The following HMGA2 variants were observed in gnomAD, a reference collection of about 807,000 sequenced individuals.
HMGA2 encodes high mobility group AT-hook 2.
A neutral mutation model predicts 19.1 loss-of-function variants in HMGA2; 8 were observed. The observed-to-expected ratio is 0.42, with a 90% confidence interval of 0.25 to 0.76. The LOEUF is 0.76. Ranked by LOEUF, HMGA2 falls within the 30% of genes least tolerant of loss-of-function variation. The pLI is 0.28. For synonymous variants in HMGA2, 60 were observed against 48.8 expected (o/e 1.23, Z -0.96); for missense variants, 109 against 136.3 (o/e 0.80, Z 1.00).
intron 3 of HMGA2, among the ~76,000 whole-genome samples, chr12:65,887,967 T>C (rs1404462395): frequency 1.3e-5 from 2 of 152,100 alleles, no homozygotes; most frequent in Admixed American, 1.3e-4. Flanking sequence ...TAATGTGTCT[T>C]TTAGATGATT....
chr12:65,838,158 T>C (rs1480208344), intron 2 of HMGA2, among the ~76,000 whole-genome samples: 1 of 152,178 alleles, frequency 6.6e-6, no homozygotes, highest in Non-Finnish European at 1.5e-5. Flanking sequence ...TTTTCTAAAA[T>C]ACTAACTTAT....
At chr12:65,886,420 C>T (rs970384541) in intron 3 of HMGA2, among the ~76,000 whole-genome samples, 5 of 149,174 alleles carry the variant, frequency 3.4e-5, no homozygotes, top group African/African-American at 1.2e-4. Flanking sequence ...AGTGCAGTGG[C>T]GCAATCTCTG....
intron 3 of HMGA2, among the ~76,000 whole-genome samples, chr12:65,877,999 T>G (rs1873141389): frequency 6.6e-6 from 1 of 152,176 alleles, no homozygotes; most frequent in Admixed American, 6.5e-5. Flanking sequence ...TACTGTTGAT[T>G]GAAAGGAGAA....
chr12:65,963,375 A>T lies in HMGA2; in HGVS notation c.*83A>T. On this transcript the variant is annotated 3_prime_UTR_variant, in exon 5 of 5. Coordinates refer to ENST00000403681, the MANE Select transcript of HMGA2 (RefSeq NM_003483.6). Reference sequence around the variant, plus strand: ...ACACTGCAGTGACCACTTATTCTGTATTGCCATGGTCTTTCCACTTTCATC... The same window carrying T: ...ACACTGCAGTGACCACTTATTCTGTTTTGCCATGGTCTTTCCACTTTCATC... The T allele has an allele frequency of 1.4e-6, 1 of 707,986 alleles. No homozygotes were observed. The highest frequency in any genetic ancestry group is 2.1e-6 in the Non-Finnish European group (1 of 466,078). The allele number at this position is 707,986 out of a possible 1,614,324, so 43.9% of individuals were successfully genotyped here.
intron 3 of HMGA2, among the ~76,000 whole-genome samples, chr12:65,876,600 T>G (rs571110496): frequency 2.0e-5 from 3 of 152,364 alleles, no homozygotes; most frequent in African/African-American, 7.2e-5. Flanking sequence ...ATATCATTTA[T>G]AAAGCACGCA....
chr12:65,833,009 A>T (rs1478243115), intron 2 of HMGA2, among the ~76,000 whole-genome samples: 1 of 152,068 alleles, frequency 6.6e-6, no homozygotes, highest in African/African-American at 2.4e-5. Context: ...CATGAAGATA[A>T]GCATGTGCAA....
chr12:65,853,947 C>T (rs764548571), intron 3 of HMGA2, among the ~76,000 whole-genome samples: 17 of 152,222 alleles, frequency 1.1e-4, no homozygotes, highest in South Asian at 2.1e-4. Context: ...GAGAGATGAT[C>T]GCACTGTATT....
At chr12:65,949,893 T>C (rs899038796) in intron 3 of HMGA2, among the ~76,000 whole-genome samples, 1 of 152,180 alleles carries the variant, frequency 6.6e-6, no homozygotes, top group Admixed American at 6.5e-5. Flanking sequence ...GGGCAAAGGA[T>C]TTAAATAAAC....
Position 65,921,699 on chromosome 12 carries a change from C to G in HMGA2, c.250-29684C>G, listed in dbSNP as rs147215031. Among the ~76,000 whole-genome samples the G allele has an allele frequency of 7.3e-3, 1,106 of 152,276 alleles. 11 individuals are homozygous for G. Among genetic ancestry groups the G allele is most frequent in the African/African-American group, 0.025 (1,049 of 41,546 alleles). ...AGTAGCAAGGAGCCTAATGTTAATC[C>G]CCAAGACCATGGGGGAAATGTCTCC... On this transcript the variant is annotated intron_variant, in intron 3 of 4. Transcript: ENST00000403681.
chr12:65,962,486 T>C (rs1203036390), intron 4 of HMGA2, among the ~76,000 whole-genome samples: 2 of 152,188 alleles, frequency 1.3e-5, no homozygotes, highest in African/African-American at 4.8e-5. Context: ...CGGATTAGTA[T>C]TGAGATTGAG....
intron 3 of HMGA2, chr12:65,915,654 A>C: frequency 5.3e-6 from 3 of 567,338 alleles, no homozygotes; most frequent in Non-Finnish European, 6.9e-6. Flanking sequence ...CCAGCTTCAG[A>C]TGGGCTGCCA....
At chr12:65,906,024 G>T (rs1170496844) in intron 3 of HMGA2, among the ~76,000 whole-genome samples, 2 of 152,164 alleles carry the variant, frequency 1.3e-5, no homozygotes, top group African/African-American at 2.4e-5. Context: ...ACTTAAAACA[G>T]CGAACAAGCT....
chr12:65,847,286 G>T (rs113562270), intron 3 of HMGA2, among the ~76,000 whole-genome samples: 4 of 152,160 alleles, frequency 2.6e-5, no homozygotes, highest in African/African-American at 9.6e-5. Flanking sequence ...GTCAGGTACA[G>T]GCTCCAAAAA....
chr12:65,855,520 A>G (rs931101096), intron 3 of HMGA2, among the ~76,000 whole-genome samples: 3 of 150,668 alleles, frequency 2.0e-5, no homozygotes, highest in Non-Finnish European at 4.4e-5. Flanking sequence ...TGCAAACACT[A>G]GGCAGATGGC....
At chr12:65,911,602 C>T (rs1874848200) in intron 3 of HMGA2, among the ~76,000 whole-genome samples, 1 of 152,168 alleles carries the variant, frequency 6.6e-6, no homozygotes, top group African/African-American at 2.4e-5. Flanking sequence ...ATTCTCTTAG[C>T]ATGTTCGATT....
chr12:65,847,634 A>G (rs1174563062), intron 3 of HMGA2, among the ~76,000 whole-genome samples: 3 of 152,156 alleles, frequency 2.0e-5, no homozygotes, highest in Admixed American at 1.3e-4. Flanking sequence ...CAAGTTGTTG[A>G]TCATCCCAGC....
chr12:65,915,002 C>G, intron 3 of HMGA2: 1 of 1,608,458 alleles, frequency 6.2e-7, no homozygotes, highest in Non-Finnish European at 8.5e-7. Context: ...TGTTCCATCA[C>G]TAGATCTCTT....
chr12:65,845,944 C>A (rs76037682), intron 3 of HMGA2, among the ~76,000 whole-genome samples: 4 of 152,222 alleles, frequency 2.6e-5, no homozygotes, highest in Non-Finnish European at 4.4e-5. Flanking sequence ...TCTCCTCCCC[C>A]CTGCTGCCTG....
chr12:65,867,092 TA>T, intron 3 of HMGA2: 1 of 372,746 alleles, frequency 2.7e-6, no homozygotes, highest in African/African-American at 2.1e-5. Context: ...GTACATGAGA[TA>T]ACTTAGCAGG....
Sources: gnomAD v4.1 joint callset for allele counts (sites outside exome capture counted in the v4.1 genomes callset) on GRCh38, gnomAD v4.1.1 for gene constraint, MANE v1.5 for transcripts, NCBI Gene and HGNC (gene_info 2026-07-23, HGNC 2026-07-21) for gene names.